Variants in IQCH observed in about 807,000 individuals in gnomAD.
The protein encoded by IQCH is IQ motif containing H, also known as IQ domain-containing protein H.
A neutral mutation model predicts 117.0 loss-of-function variants in IQCH; 98 were observed. The observed-to-expected ratio is 0.84, with a 90% CI of 0.71 to 0.99. The LOEUF is 0.99. Ranked by LOEUF, IQCH falls within the 50% of genes least tolerant of loss-of-function variation. The pLI, the probability that IQCH is intolerant of heterozygous loss-of-function variation, is 0.00. For missense variants in IQCH, 1,102 were observed against 1,243.8 expected (o/e 0.89, Z 1.72); for synonymous variants, 412 against 448.2 (o/e 0.92, Z 1.02).
At position 67,430,635 on chromosome 15, in the gene IQCH, A is replaced by C. The variant is rs2140940968; in HGVS notation, c.2505+9058A>C. 6.6e-6 allele frequency among the ~76,000 whole-genome samples: 1 copy of C among 152,090 alleles called. No individual in the cohort carries two copies. The highest frequency in any genetic ancestry group is 1.9e-4 in the East Asian group (1 of 5,172). ...ATGGTCATATTTGGCCAGCCACCTG[A>C]TTATTATTTGTTGATTTATGGACTT... On this transcript the variant is annotated intron_variant, in intron 16 of 20. Coordinates refer to ENST00000335894, the MANE Select transcript of IQCH (RefSeq NM_001031715.3). The surrounding 1 kb of genome is among the most constrained non-coding windows in gnomAD (Gnocchi z 5.1).
intron 3 of IQCH, among the ~76,000 whole-genome samples, chr15:67,268,243 G>C (rs924655182): frequency 6.6e-6 from 1 of 152,186 alleles, no homozygotes; most frequent in African/African-American, 2.4e-5. Context: ...TACACAAAGT[G>C]GTGATAACGA....
intron 6 of IQCH, among the ~76,000 whole-genome samples, chr15:67,353,254 A>T (rs1205510817): frequency 2.0e-5 from 3 of 152,008 alleles, no homozygotes; most frequent in Non-Finnish European, 2.9e-5. Flanking sequence ...TGGGAAAAAA[A>T]ATGAAAGGAA....
chr15:67,268,382 ATTT>A (rs2140447405), intron 3 of IQCH, among the ~76,000 whole-genome samples: 1 of 152,240 alleles, frequency 6.6e-6, no homozygotes, highest in Non-Finnish European at 1.5e-5. Flanking sequence ...TTTGGCAATG[ATTT>A]TTCTTTTATG....
Position 67,254,828 on chromosome 15 carries a change from G to A in IQCH, c.-69G>A, listed in dbSNP as rs1965050677. On this transcript the variant is annotated 5_prime_UTR_variant, in exon 1 of 21. Coordinates refer to ENST00000335894, the MANE Select transcript of IQCH (RefSeq NM_001031715.3). ...GCGCGGTGTTGCCATGGGGACGAGC[G>A]GCTCCGGCTGAAGGTTTCCGTGCTT... 6.6e-7 allele frequency: 1 copy of A among 1,523,710 alleles called. No individual in the cohort carries two copies. The highest frequency in any genetic ancestry group is 9.0e-7 in the Non-Finnish European group (1 of 1,111,538). The allele number at this position is 1,523,710 out of a possible 1,614,324, so 94.4% of individuals were successfully genotyped here. A position where few individuals can be genotyped will look rare whatever the true frequency, so the allele number is the denominator to read the frequency against.
chr15:67,259,157 A>G (rs886560252), intron 1 of IQCH, among the ~76,000 whole-genome samples: 2 of 152,214 alleles, frequency 1.3e-5, no homozygotes, highest in Admixed American at 1.3e-4. Context: ...AACACTATAC[A>G]AAGTACTTAT....
chr15:67,434,414 T>C (rs576397814), intron 16 of IQCH, among the ~76,000 whole-genome samples: 1 of 152,336 alleles, frequency 6.6e-6, no homozygotes, highest in Admixed American at 6.5e-5. Flanking sequence ...CAGAATTTCC[T>C]TCTTTTTTAA....
At chr15:67,341,669 T>C (rs1012632213) in intron 5 of IQCH, among the ~76,000 whole-genome samples, 1 of 152,078 alleles carries the variant, frequency 6.6e-6, no homozygotes, top group African/African-American at 2.4e-5. Flanking sequence ...AGTAAAGTTA[T>C]GACTCTTATA....
intron 16 of IQCH, among the ~76,000 whole-genome samples, chr15:67,439,762 C>T (rs1460316415): frequency 6.6e-6 from 1 of 151,836 alleles, no homozygotes; most frequent in Non-Finnish European, 1.5e-5. Flanking sequence ...ATGATGCATG[C>T]CTGTAGTCCC....
At position 67,385,068 on chromosome 15, in the gene IQCH, G is replaced by T; in HGVS notation, c.1456+49G>T. On this transcript the variant is annotated intron_variant, in intron 11 of 20. Transcript: ENST00000335894. This position sits in a 1 kb window ranked among gnomAD's most constrained non-coding sequence, Gnocchi z 4.6. ...ATGACTCTTTGGAATGTTTATCAGTGGATGTTGATAGAATGTGTTGTTTTG... is the reference window on the plus strand; with the variant it reads ...ATGACTCTTTGGAATGTTTATCAGTTGATGTTGATAGAATGTGTTGTTTTG... 1 of 1,128,454 alleles carries T rather than the reference G, an allele frequency of 8.9e-7. No individual in the cohort carries two copies. The allele number at this position is 1,128,454 out of a possible 1,614,324, so 69.9% of individuals were successfully genotyped here.
chr15:67,480,763 A>G (rs1316248937), intron 18 of IQCH, among the ~76,000 whole-genome samples: 1 of 152,162 alleles, frequency 6.6e-6, no homozygotes, highest in Non-Finnish European at 1.5e-5. Flanking sequence ...ATATTTGGCA[A>G]AACTAATACC....
intron 18 of IQCH, among the ~76,000 whole-genome samples, chr15:67,489,222 A>G (rs1435192466): frequency 6.6e-6 from 1 of 151,036 alleles, no homozygotes; most frequent in African/African-American, 2.4e-5. Flanking sequence ...TTTAGTAGAG[A>G]TGGGGTTTCA....
chr15:67,293,642 C>G (rs753103954), intron 4 of IQCH, among the ~76,000 whole-genome samples: 11 of 151,180 alleles, frequency 7.3e-5, no homozygotes, highest in Admixed American at 6.6e-4. Context: ...AATGCAGAAC[C>G]CATGGATATG....
rs889649507 is a variant in IQCH at position 67,389,080 on chromosome 15, C to T, written c.1632+74C>T. 1.7e-5 allele frequency: 19 copies of T among 1,120,248 alleles called. No individual in the cohort carries two copies. In the East Asian group the frequency reaches 2.4e-4, roughly 14 times the overall value. The allele number at this position is 1,120,248 out of a possible 1,614,324, so 69.4% of individuals were successfully genotyped here. A position where few individuals can be genotyped will look rare whatever the true frequency, so the allele number is the denominator to read the frequency against. ...AATTGGAAATTTTAATAACTTGCAA[C>T]GCTCTGGTACACATCAGTGAAATAT... On this transcript the variant is annotated intron_variant, in intron 12 of 20. Transcript: ENST00000335894.
intron 4 of IQCH, among the ~76,000 whole-genome samples, chr15:67,290,466 A>G (rs1379069190): frequency 6.6e-6 from 1 of 152,106 alleles, no homozygotes; most frequent in Non-Finnish European, 1.5e-5. Context: ...GATGTTATGA[A>G]CATATTCTTA....
chr15:67,455,637 G>A (rs1195334756), intron 16 of IQCH, among the ~76,000 whole-genome samples: 2 of 152,240 alleles, frequency 1.3e-5, no homozygotes, highest in Admixed American at 1.3e-4. Flanking sequence ...GTCATCGAAG[G>A]CTGTTCATAG....
chr15:67,267,430 A>G (rs1965721768), intron 3 of IQCH, among the ~76,000 whole-genome samples: 1 of 152,220 alleles, frequency 6.6e-6, no homozygotes, highest in African/African-American at 2.4e-5. Flanking sequence ...CTCTGGGATG[A>G]GCATGACTGC....
intron 16 of IQCH, among the ~76,000 whole-genome samples, chr15:67,434,922 C>T (rs1357902487): frequency 2.0e-5 from 3 of 150,918 alleles, no homozygotes; most frequent in Admixed American, 6.6e-5. Context: ...ACTACAAGCG[C>T]GTCACCACGC....
intron 1 of IQCH, among the ~76,000 whole-genome samples, chr15:67,258,203 A>G (rs1247064461): frequency 7.3e-6 from 1 of 137,246 alleles, no homozygotes; most frequent in African/African-American, 2.8e-5. Context: ...GTACACTCCA[A>G]CACAGCAAGC....
At chr15:67,363,469 C>T (rs1351081503) in intron 8 of IQCH, among the ~76,000 whole-genome samples, 1 of 151,796 alleles carries the variant, frequency 6.6e-6, no homozygotes, top group Non-Finnish European at 1.5e-5. Context: ...TGGTCTCAAA[C>T]TCCTGACCTC....
Sources: gnomAD v4.1 joint callset for allele counts (sites outside exome capture counted in the v4.1 genomes callset) on GRCh38, gnomAD v4.1.1 for gene constraint, Gnocchi (gnomAD v3.1) non-coding constraint, MANE v1.5 for transcripts, NCBI Gene and HGNC (gene_info 2026-07-23, HGNC 2026-07-21) for gene names.